LRRTM4: variants seen among roughly 807,000 people sequenced by gnomAD.
The protein encoded by LRRTM4 is leucine-rich repeat transmembrane neuronal protein 4.
LRRTM4 carries 25 observed loss-of-function variants against 47.6 expected under a neutral mutation model. The ratio of observed to expected loss-of-function variants is 0.53; its 90% CI spans 0.38 to 0.73. The LOEUF (loss-of-function observed/expected upper bound fraction) is 0.73. LRRTM4 is among the 30% of genes least tolerant of loss of function. The probability of loss-of-function intolerance (pLI) is 0.00; values close to 1 mark genes in which losing one functional copy is unlikely to be tolerated. For synonymous variants in LRRTM4, 311 were observed against 269.5 expected, an observed-to-expected ratio of 1.15 and a Z score of -1.51; for missense variants, 638 against 713.4, an observed-to-expected ratio of 0.89 and a Z score of 1.20.
chr2:76,756,664 C>A (rs1673040664), intron 3 of LRRTM4, among the ~76,000 whole-genome samples: 1 of 152,084 alleles, frequency 6.6e-6, no homozygotes, highest in Non-Finnish European at 1.5e-5. Flanking sequence ...TCAACTGGTT[C>A]ATTCATCAAA....
chr2:77,184,316 C>T (rs1332829154), intron 3 of LRRTM4, among the ~76,000 whole-genome samples: 2 of 151,950 alleles, frequency 1.3e-5, no homozygotes, highest in African/African-American at 4.8e-5. Flanking sequence ...CCAAAGGTTT[C>T]AATATTTTTC....
chr2:77,463,085 T>C (rs895077106), intron 3 of LRRTM4, among the ~76,000 whole-genome samples: 2 of 152,114 alleles, frequency 1.3e-5, no homozygotes, highest in Non-Finnish European at 2.9e-5. Flanking sequence ...TTTGTCATTG[T>C]GTGAACATCA....
At chr2:77,126,384 A>C (rs1553394314) in intron 3 of LRRTM4, among the ~76,000 whole-genome samples, 1 of 152,192 alleles carries the variant, frequency 6.6e-6, no homozygotes, top group Non-Finnish European at 1.5e-5. Context: ...GGTATAAAGC[A>C]AGGAGAAGTA....
chr2:76,943,350 A>G (rs531843072), intron 3 of LRRTM4, among the ~76,000 whole-genome samples: 40 of 152,246 alleles, frequency 2.6e-4, no homozygotes, highest in African/African-American at 7.9e-4. Flanking sequence ...GCAGGAGAAT[A>G]GCGTGAACCC....
chr2:77,076,442 G>C (rs908477947), intron 3 of LRRTM4, among the ~76,000 whole-genome samples: 16 of 152,046 alleles, frequency 1.1e-4, no homozygotes, highest in African/African-American at 3.6e-4. Context: ...CCTAATGCTT[G>C]AAATATAGTC....
intron 3 of LRRTM4, among the ~76,000 whole-genome samples, chr2:77,280,513 AT>A (rs1310604359): frequency 6.6e-6 from 1 of 152,106 alleles, no homozygotes; most frequent in African/African-American, 2.4e-5. Flanking sequence ...CACAATTTTC[AT>A]TGCTATAATT....
At chr2:77,043,104 A>T (rs1420363407) in intron 3 of LRRTM4, among the ~76,000 whole-genome samples, 1 of 151,692 alleles carries the variant, frequency 6.6e-6, no homozygotes, top group Non-Finnish European at 1.5e-5. Flanking sequence ...AGTAAGCCTT[A>T]ATCTAACTGA....
chr2:76,999,064 T>A (rs944950115), intron 3 of LRRTM4, among the ~76,000 whole-genome samples: 1 of 152,092 alleles, frequency 6.6e-6, no homozygotes, highest in Non-Finnish European at 1.5e-5. Context: ...AGATGGTTGT[T>A]GATATTATTG....
chr2:77,005,782 C>A (rs1386056323), intron 3 of LRRTM4, among the ~76,000 whole-genome samples: 2 of 152,158 alleles, frequency 1.3e-5, no homozygotes, highest in African/African-American at 2.4e-5. Flanking sequence ...GTGAGTCAAA[C>A]CTCTTTCCTT....
chr2:77,316,750 T>A (rs1176619788), intron 3 of LRRTM4, among the ~76,000 whole-genome samples: 1 of 152,148 alleles, frequency 6.6e-6, no homozygotes, highest in South Asian at 2.1e-4. Context: ...TTTGTCATGT[T>A]GCCCAGGCTA....
intron 3 of LRRTM4, among the ~76,000 whole-genome samples, chr2:77,498,678 C>A (rs1340427205): frequency 1.3e-5 from 2 of 151,774 alleles, no homozygotes; most frequent in Non-Finnish European, 2.9e-5. Flanking sequence ...CATGTACTTA[C>A]TTACTCCTAA....
chr2:77,130,824 ATTTTTTTTTTTT>A (rs768577274), intron 3 of LRRTM4, among the ~76,000 whole-genome samples: 17 of 35,634 alleles, frequency 4.8e-4, no homozygotes, highest in East Asian at 2.2e-3. Context: ...TATTTGTTCT[ATTTTTTTTTTTT>A]TTTTTTTTTT....
At chr2:77,013,246 C>A (rs978843543) in intron 3 of LRRTM4, among the ~76,000 whole-genome samples, 2 of 152,118 alleles carry the variant, frequency 1.3e-5, no homozygotes, top group Admixed American at 6.6e-5. Flanking sequence ...TGCCTTGATT[C>A]CAGTTTGTTT....
chr2:76,797,722 T>C (rs1458289150), intron 3 of LRRTM4, among the ~76,000 whole-genome samples: 1 of 150,874 alleles, frequency 6.6e-6, no homozygotes, highest in Non-Finnish European at 1.5e-5. Context: ...AGGAAACCCA[T>C]CTCACGTGCA....
At chr2:77,176,069 A>T (rs1263527982) in intron 3 of LRRTM4, among the ~76,000 whole-genome samples, 1 of 151,886 alleles carries the variant, frequency 6.6e-6, no homozygotes, top group Non-Finnish European at 1.5e-5. Context: ...CATTATATTT[A>T]AGTTCTTTCG....
chr2:76,886,020 T>A (rs1054729405), intron 3 of LRRTM4, among the ~76,000 whole-genome samples: 10 of 152,116 alleles, frequency 6.6e-5, no homozygotes, highest in Admixed American at 5.2e-4. Flanking sequence ...TATAACTCAT[T>A]TCTAAAATTT....
intron 3 of LRRTM4, among the ~76,000 whole-genome samples, chr2:77,299,652 T>G (rs908361585): frequency 5.9e-5 from 9 of 152,082 alleles, no homozygotes; most frequent in African/African-American, 2.2e-4. Context: ...AATGAAAGCC[T>G]AAGTAAAACT....
chr2:76,805,134 G>T (rs1675904975), intron 3 of LRRTM4, among the ~76,000 whole-genome samples: 2 of 152,176 alleles, frequency 1.3e-5, no homozygotes, highest in Middle Eastern at 3.4e-3. Flanking sequence ...AGGAATCAAG[G>T]CCCTTAACCT....
At chr2:77,246,682 A>G (rs540867101) in intron 3 of LRRTM4, among the ~76,000 whole-genome samples, 48 of 152,156 alleles carry the variant, frequency 3.2e-4, no homozygotes, top group Non-Finnish European at 5.7e-4. Context: ...TTCCCTGCCT[A>G]CTTCACAATG....
Sources: allele counts gnomAD v4.1 joint callset (sites outside exome capture counted in the v4.1 genomes callset), GRCh38; gene constraint gnomAD v4.1.1; transcripts MANE v1.5; gene names NCBI Gene and HGNC (gene_info 2026-07-23, HGNC 2026-07-21).